Variants in UBE2E2 observed in about 807,000 individuals in gnomAD.
UBE2E2 encodes ubiquitin conjugating enzyme E2 E2.
Under a neutral mutation model 24.7 loss-of-function variants are expected in UBE2E2, and 6 were observed. The ratio of observed to expected loss-of-function variants is 0.24; its 90% CI spans 0.13 to 0.48. UBE2E2 has a LOEUF of 0.48. Among genes scored for constraint, UBE2E2 ranks in the 20% least tolerant of loss-of-function variants. UBE2E2 has a pLI of 0.99. For missense variants in UBE2E2, 169 were observed against 245.0 expected (o/e 0.69, Z 2.07); for synonymous variants, 104 against 83.6 (o/e 1.24, Z -1.33).
At chr3:23,298,726 C>T (rs574763119) in intron 3 of UBE2E2, among the ~76,000 whole-genome samples, 3 of 151,756 alleles carry the variant, frequency 2.0e-5, no homozygotes, top group African/African-American at 4.8e-5. Flanking sequence ...CAATGTTCAT[C>T]AAGGATATTG....
At position 23,514,926 on chromosome 3, in the gene UBE2E2, T is replaced by C. The variant is rs569876617; in HGVS notation, c.360+15186T>C. Among the ~76,000 whole-genome samples, 66 of 152,322 alleles carry C rather than the reference T, an allele frequency of 4.3e-4. 1 individual carries two copies. Among genetic ancestry groups the C allele is most frequent in the Non-Finnish European group, 6.3e-4 (43 of 68,024 alleles). On this transcript the variant is annotated intron_variant, in intron 4 of 5. Coordinates refer to ENST00000396703, the MANE Select transcript of UBE2E2 (RefSeq NM_152653.4). Reference sequence around the variant, plus strand: ...CTGCAGTTTGTCTTCAGTTTCAGTATTGGGTCAAAATCTGCTCTTAGGTTT... The same window carrying C: ...CTGCAGTTTGTCTTCAGTTTCAGTACTGGGTCAAAATCTGCTCTTAGGTTT...
At chr3:23,354,995 A>G (rs946261010) in intron 3 of UBE2E2, among the ~76,000 whole-genome samples, 5 of 152,032 alleles carry the variant, frequency 3.3e-5, no homozygotes, top group Non-Finnish European at 5.9e-5. Flanking sequence ...TCCAACAACG[A>G]TAGACTGGAT....
rs538120618 is a variant in UBE2E2, at chr3:23,432,139, A to G, written c.228-67469A>G. Among the ~76,000 whole-genome samples, 5 of 152,322 alleles carry G rather than the reference A, an allele frequency of 3.3e-5. No homozygotes were observed. The East Asian group carries it at 9.6e-4, about 29-fold the overall frequency. ...TCTCTTTCTATGTTTTGTCAGATAC[A>G]GTAATTATATCACAAGCAGTCAAAT... On this transcript the variant is annotated intron_variant, in intron 3 of 5. Coordinates refer to ENST00000396703, the MANE Select transcript of UBE2E2 (RefSeq NM_152653.4).
chr3:23,293,634 A>C lies in UBE2E2; in HGVS notation c.227+76322A>C, dbSNP rs1241040760. The stretch of plus-strand genomic sequence containing the variant: ...ATTATTCTCCCTATGGCTTATTAGA[A>C]AAAGATTGAATGAGCTATTATTAAA... On this transcript the variant is annotated intron_variant, in intron 3 of 5. Transcript: ENST00000396703. 3.3e-5 allele frequency among the ~76,000 whole-genome samples: 5 copies of C among 152,228 alleles called. No homozygotes were observed. The East Asian group carries it at 7.7e-4, about 23-fold the overall frequency.
chr3:23,424,849 A>T (rs1363102728), intron 3 of UBE2E2, among the ~76,000 whole-genome samples: 1 of 152,194 alleles, frequency 6.6e-6, no homozygotes. Flanking sequence ...TGGCAGAGGT[A>T]CTAAGCCAAA....
chr3:23,350,012 C>T (rs1225912966), intron 3 of UBE2E2, among the ~76,000 whole-genome samples: 5 of 152,182 alleles, frequency 3.3e-5, no homozygotes, highest in South Asian at 2.1e-4. Flanking sequence ...ACACCTCACA[C>T]GGCCAGGTAC....
intron 3 of UBE2E2, among the ~76,000 whole-genome samples, chr3:23,459,213 C>T (rs1698755680): frequency 6.6e-6 from 1 of 152,196 alleles, no homozygotes; most frequent in Non-Finnish European, 1.5e-5. Flanking sequence ...TCTATAAGGG[C>T]TACCCTTTGG....
At chr3:23,331,643 A>G (rs765247754) in intron 3 of UBE2E2, among the ~76,000 whole-genome samples, 5 of 152,020 alleles carry the variant, frequency 3.3e-5, no homozygotes, top group Admixed American at 6.6e-5. Flanking sequence ...TGAGGTAGAA[A>G]AGGGCATGCT....
At chr3:23,513,316 G>A (rs6770091) in intron 4 of UBE2E2, among the ~76,000 whole-genome samples, 74,225 of 151,880 alleles carry the variant, frequency 0.49, 18,574 homozygotes, top group East Asian at 0.59. Flanking sequence ...CAGCATTCCC[G>A]TTACCTTCCC....
chr3:23,571,276 C>CTTTTTTTTTTTTTTTTTTT (rs1559425735), intron 5 of UBE2E2, among the ~76,000 whole-genome samples: 1 of 24,690 alleles, frequency 4.1e-5, no homozygotes, highest in African/African-American at 1.3e-4. Flanking sequence ...CTGTGTGCTC[C>CTTTTTTTTTTTTTTTTTTT]TTTCTTTTTT....
intron 3 of UBE2E2, among the ~76,000 whole-genome samples, chr3:23,413,702 C>T (rs1697552072): frequency 6.6e-6 from 1 of 152,116 alleles, no homozygotes; most frequent in East Asian, 1.9e-4. Flanking sequence ...TTCCTCTTTC[C>T]TAACGTCATC....
At chr3:23,211,693 G>C (rs1410636820) in intron 2 of UBE2E2, among the ~76,000 whole-genome samples, 1 of 152,118 alleles carries the variant, frequency 6.6e-6, no homozygotes, top group East Asian at 1.9e-4. Context: ...ACTGTGCCTA[G>C]CCTCTGTGAT....
At chr3:23,535,990 T>C (rs1384724521) in intron 5 of UBE2E2, among the ~76,000 whole-genome samples, 1 of 152,196 alleles carries the variant, frequency 6.6e-6, no homozygotes, top group African/African-American at 2.4e-5. Flanking sequence ...CATTATTTAA[T>C]TTGTGAATTG....
intron 2 of UBE2E2, among the ~76,000 whole-genome samples, chr3:23,211,730 G>A (rs1696329135): frequency 6.6e-6 from 1 of 152,036 alleles, no homozygotes; most frequent in African/African-American, 2.4e-5. Context: ...ACAGCTCAAA[G>A]CCTCGATTTC....
intron 3 of UBE2E2, among the ~76,000 whole-genome samples, chr3:23,359,276 C>A (rs1425414851): frequency 6.6e-6 from 1 of 152,138 alleles, no homozygotes; most frequent in Non-Finnish European, 1.5e-5. Context: ...TTATTGCTAA[C>A]ATCTCCTTTG....
chr3:23,365,285 C>A (rs1332279697), intron 3 of UBE2E2, among the ~76,000 whole-genome samples: 1 of 152,084 alleles, frequency 6.6e-6, no homozygotes, highest in African/African-American at 2.4e-5. Context: ...AGCAATCAGG[C>A]AAGAGAAGAG....
intron 3 of UBE2E2, among the ~76,000 whole-genome samples, chr3:23,413,756 A>G (rs945140965): frequency 6.6e-6 from 1 of 152,036 alleles, no homozygotes; most frequent in African/African-American, 2.4e-5. Flanking sequence ...AGGCCCTAAT[A>G]CACGGTAAGC....
At position 23,331,946 on chromosome 3, in the gene UBE2E2, T is replaced by A. The variant is rs144311993; in HGVS notation, c.227+114634T>A. On this transcript the variant is annotated intron_variant, in intron 3 of 5. Coordinates refer to ENST00000396703, the MANE Select transcript of UBE2E2 (RefSeq NM_152653.4). ...GAATTTAATGCAACTAATTTTAAAA[T>A]TTTTTTTAAAAGATGAAGTTGGACT... Among the ~76,000 whole-genome samples, 1,233 of 152,220 alleles carry A rather than the reference T, an allele frequency of 8.1e-3. 12 individuals carry two copies. Among genetic ancestry groups the A allele is most frequent in the African/African-American group, 0.027 (1,126 of 41,524 alleles).
intron 4 of UBE2E2, among the ~76,000 whole-genome samples, chr3:23,509,295 A>G (rs1559406752): frequency 6.6e-6 from 1 of 152,242 alleles, no homozygotes; most frequent in Non-Finnish European, 1.5e-5. Context: ...GACATGGAAC[A>G]GACACCCTGT....
Sources: gnomAD v4.1 joint callset for allele counts (sites outside exome capture counted in the v4.1 genomes callset) on GRCh38, gnomAD v4.1.1 for gene constraint, MANE v1.5 for transcripts, NCBI Gene and HGNC (gene_info 2026-07-23, HGNC 2026-07-21) for gene names.